The following RGS6 variants were observed in gnomAD, a reference collection of about 807,000 sequenced individuals.
RGS6 encodes the protein regulator of G-protein signaling 6.
A neutral mutation model predicts 78.5 loss-of-function variants in RGS6; 30 were observed. That is an observed-to-expected ratio of 0.38 (90% CI 0.29 to 0.52). The LOEUF (loss-of-function observed/expected upper bound fraction) is 0.52. Among genes scored for constraint, RGS6 ranks in the 20% least tolerant of loss-of-function variants. The probability of loss-of-function intolerance (pLI) is 0.85; values close to 1 mark genes in which losing one functional copy is unlikely to be tolerated. For synonymous variants in RGS6, 206 were observed against 206.0 expected, an observed-to-expected ratio of 1.00 and a Z score of 0.00; for missense variants, 495 against 609.7, an observed-to-expected ratio of 0.81 and a Z score of 1.98.
the RGS6 span, among the ~76,000 whole-genome samples, chr14:72,571,634 G>T: frequency 2.0e-4 from 31 of 152,316 alleles, no homozygotes; most frequent in African/African-American, 7.0e-4. Context: ...GTAGAAAAAT[G>T]AAATTTGATT....
At chr14:72,465,495 CAT>C (rs1442141087) in intron 6 of RGS6, among the ~76,000 whole-genome samples, 5 of 58,282 alleles carry the variant, frequency 8.6e-5, no homozygotes, top group Non-Finnish European at 1.0e-4. Flanking sequence ...ACTTAGAAAA[CAT>C]ATTTTTCCCA....
chr14:72,403,102 C>G (rs2092614500), intron 3 of RGS6, among the ~76,000 whole-genome samples: 1 of 152,066 alleles, frequency 6.6e-6, no homozygotes, highest in African/African-American at 2.4e-5. Flanking sequence ...CATTACTAGG[C>G]ATTTATCCAA....
At chr14:72,504,834 A>ACCTCCG (rs2096776604) in intron 13 of RGS6, among the ~76,000 whole-genome samples, 1 of 147,956 alleles carries the variant, frequency 6.8e-6, no homozygotes, top group Non-Finnish European at 1.5e-5. Flanking sequence ...GCTCACTGCA[A>ACCTCCG]CCTCCGCCTC....
chr14:72,568,355 CA>C (rs1370240165), downstream of RGS6, among the ~76,000 whole-genome samples: 1 of 152,182 alleles, frequency 6.6e-6, no homozygotes, highest in African/African-American at 2.4e-5. Flanking sequence ...TAGCTGGAGC[CA>C]TGTCTGAGAT....
rs537307631 is a variant in RGS6, at chr14:72,243,699, C to T, written c.85-108396C>T. Among the ~76,000 whole-genome samples the T allele has an allele frequency of 6.6e-5, 10 of 151,768 alleles. No individual in the cohort carries two copies. The South Asian group carries it at 1.7e-3, about 25-fold the overall frequency. On this transcript the variant is annotated intron_variant, in intron 2 of 17. Coordinates refer to ENST00000553525, the MANE Select transcript of RGS6 (RefSeq NM_001204424.2). ...CTCAGTGAACAGCCTTGTTTCCTTTCGTTTAATGGGGAAGGGAACACTGAA... is the reference window on the plus strand; with the variant it reads ...CTCAGTGAACAGCCTTGTTTCCTTTTGTTTAATGGGGAAGGGAACACTGAA...
intron 1 of RGS6, among the ~76,000 whole-genome samples, chr14:71,937,393 C>T (rs147898839): frequency 4.9e-4 from 75 of 152,210 alleles, no homozygotes; most frequent in African/African-American, 7.5e-4. Flanking sequence ...CTTCCACTTC[C>T]GCCCCTTGAT....
chr14:72,512,045 C>T (rs1188807734), intron 14 of RGS6, among the ~76,000 whole-genome samples: 1 of 152,144 alleles, frequency 6.6e-6, no homozygotes, highest in African/African-American at 2.4e-5. Context: ...GTGTAGCCAG[C>T]TCAGTCCCAG....
At chr14:72,508,532 C>T (rs868067820) in intron 13 of RGS6, among the ~76,000 whole-genome samples, 1 of 115,614 alleles carries the variant, frequency 8.6e-6, no homozygotes, top group Non-Finnish European at 1.8e-5. Context: ...CAGTTATTTG[C>T]TTTCCCAAGC....
chr14:72,345,411 C>A (rs369379337), intron 2 of RGS6, among the ~76,000 whole-genome samples: 2 of 152,136 alleles, frequency 1.3e-5, no homozygotes, highest in Non-Finnish European at 2.9e-5. Flanking sequence ...TAGGCTTAGC[C>A]GAAAACAAAT....
chr14:72,453,615 CAAAAAAA>C (rs60280790), intron 3 of RGS6, among the ~76,000 whole-genome samples: 2,041 of 52,062 alleles, frequency 0.039, 69 homozygotes, highest in African/African-American at 0.13. Flanking sequence ...GACTCCGTCT[CAAAAAAA>C]AAAAAAAAAA....
chr14:72,582,137 C>T, the RGS6 span, among the ~76,000 whole-genome samples: 1 of 152,326 alleles, frequency 6.6e-6, no homozygotes, highest in East Asian at 1.9e-4. Context: ...CCAAGCCATT[C>T]ATGAAGGATC....
chr14:72,147,548 C>G (rs1237223317), intron 2 of RGS6, among the ~76,000 whole-genome samples: 1 of 152,178 alleles, frequency 6.6e-6, no homozygotes, highest in Non-Finnish European at 1.5e-5. Flanking sequence ...GACCTAATTG[C>G]CTGTTAAAGG....
At chr14:71,897,099 G>T in the RGS6 span, among the ~76,000 whole-genome samples, 144 of 152,318 alleles carry the variant, frequency 9.5e-4, 7 homozygotes, top group South Asian at 0.029. Context: ...TACCTAGGGG[G>T]TATAATCCAC....
chr14:72,001,507 C>T (rs978658236), intron 2 of RGS6, among the ~76,000 whole-genome samples: 5 of 89,820 alleles, frequency 5.6e-5, no homozygotes, highest in Non-Finnish European at 7.8e-5. Context: ...CACACACACA[C>T]ACACACACAC....
chr14:72,108,707 T>C (rs1289636298), intron 2 of RGS6, among the ~76,000 whole-genome samples: 1 of 152,120 alleles, frequency 6.6e-6, no homozygotes, highest in Non-Finnish European at 1.5e-5. Flanking sequence ...AGTTAAGCCT[T>C]TTTAAGAACA....
rs1006408522 is a variant in RGS6, at chr14:72,169,273, G to T, written c.85-182822G>T. On this transcript the variant is annotated intron_variant, in intron 2 of 17. Transcript: ENST00000553525. ...AGGAATACGTTTTTTGATTCAAAGGGTATAAAAAGTGCTATGTGTGTTAGG... is the reference window on the plus strand; with the variant it reads ...AGGAATACGTTTTTTGATTCAAAGGTTATAAAAAGTGCTATGTGTGTTAGG... 3.3e-5 allele frequency among the ~76,000 whole-genome samples: 5 copies of T among 152,124 alleles called. No individual in the cohort carries two copies. The East Asian group carries it at 5.8e-4, about 18-fold the overall frequency.
chr14:71,992,902 T>C (rs2095027658), intron 2 of RGS6, among the ~76,000 whole-genome samples: 1 of 152,202 alleles, frequency 6.6e-6, no homozygotes, highest in Admixed American at 6.5e-5. Flanking sequence ...ATATTTCTTC[T>C]AAGGTGAGTG....
intron 2 of RGS6, among the ~76,000 whole-genome samples, chr14:72,164,101 G>A (rs1168875091): frequency 6.6e-6 from 1 of 152,058 alleles, no homozygotes; most frequent in Non-Finnish European, 1.5e-5. Context: ...AGCCAGCAAG[G>A]GGATTGTTTA....
the RGS6 span, among the ~76,000 whole-genome samples, chr14:72,596,736 GC>G: frequency 6.6e-6 from 1 of 152,208 alleles, no homozygotes; most frequent in Non-Finnish European, 1.5e-5. Flanking sequence ...ACTCTGATAA[GC>G]ACTCATCGTA....
Sources: allele counts gnomAD v4.1 joint callset (sites outside exome capture counted in the v4.1 genomes callset), GRCh38; gene constraint gnomAD v4.1.1; transcripts MANE v1.5; gene names NCBI Gene and HGNC (gene_info 2026-07-23, HGNC 2026-07-21).